Variants in PAPOLA observed in about 807,000 individuals in gnomAD.
The protein encoded by PAPOLA is poly(A) polymerase alpha, also known as polynucleotide adenylyltransferase alpha.
Under a neutral mutation model 100.6 loss-of-function variants are expected in PAPOLA, and 15 were observed. The ratio of observed to expected loss-of-function variants is 0.15; its 90% CI spans 0.10 to 0.23. The LOEUF (loss-of-function observed/expected upper bound fraction) is 0.23, where lower values mean the gene tolerates loss of function less well. Ranked by LOEUF, PAPOLA falls within the 10% of genes least tolerant of loss-of-function variation. The pLI, the probability that PAPOLA is intolerant of heterozygous loss-of-function variation, is 1.00. For synonymous variants in PAPOLA, 293 were observed against 300.0 expected, an observed-to-expected ratio of 0.98 and a Z score of 0.24; for missense variants, 533 against 884.2, an observed-to-expected ratio of 0.60 and a Z score of 5.04.
At chr14:96,529,931 T>G (rs78401219) in intron 6 of PAPOLA, among the ~76,000 whole-genome samples, 8,341 of 152,280 alleles carry the variant, frequency 0.055, 227 homozygotes, top group Non-Finnish European at 0.058. Context: ...TGTGGTTGTT[T>G]TAGGCTGTAC....
At position 96,565,791 on chromosome 14, in the gene PAPOLA, T is replaced by G. The variant is rs560413987; in HGVS notation, c.*741T>G. 1 of 398,308 alleles carries G rather than the reference T, an allele frequency of 2.5e-6. No individual in the cohort carries two copies. Among genetic ancestry groups the G allele is most frequent in the African/African-American group, 2.1e-5 (1 of 48,744 alleles). 24.7% of individuals were successfully genotyped at this position (398,308 alleles called of 1,614,324 possible). ...TATTTTTCTTTGAGCTTGTGAAAGC[T>G]CTGTGTTCTTTTGCCTTCAATCTGT... On this transcript the variant is annotated 3_prime_UTR_variant, in exon 22 of 22. Coordinates refer to ENST00000216277, the MANE Select transcript of PAPOLA (RefSeq NM_032632.5).
intron 3 of PAPOLA, among the ~76,000 whole-genome samples, chr14:96,523,072 C>T (rs989136623): frequency 6.6e-6 from 1 of 151,966 alleles, no homozygotes; most frequent in Non-Finnish European, 1.5e-5. Context: ...ATGTAGTATT[C>T]TAAATTATGG....
Position 96,552,475 on chromosome 14 carries a change from T to C in PAPOLA, c.1522-5T>C, listed in dbSNP as rs183023402. On this transcript the variant is annotated splice_polypyrimidine_tract_variant and splice_region_variant and intron_variant, in intron 16 of 21. Transcript: ENST00000216277. The stretch of plus-strand genomic sequence containing the variant: ...ATATTTGATAAAATGTTTTATTGTT[T>C]GCAGCATTCAACAGAAGGTGTCAAA... 59 of 1,610,558 alleles carry C rather than the reference T, an allele frequency of 3.7e-5. No homozygotes were observed. The African/African-American group carries it at 5.2e-4, about 14-fold the overall frequency.
rs1224239859 is a variant in PAPOLA at position 96,566,295 on chromosome 14, CTTTA to C, written c.*1249_*1252del. On this transcript the variant is annotated 3_prime_UTR_variant, in exon 22 of 22. Coordinates refer to ENST00000216277, the MANE Select transcript of PAPOLA (RefSeq NM_032632.5). ...TTGACATCTAGTCAGCTCTCTACTC[CTTTA>C]TTTTGTTTTATCAAAAGATTAAGAG... 5 of 177,038 alleles carry C rather than the reference CTTTA, an allele frequency of 2.8e-5. No individual in the cohort carries two copies. Among genetic ancestry groups the C allele is most frequent in the Non-Finnish European group, 3.5e-5 (3 of 84,632 alleles). The allele number at this position is 177,038 out of a possible 1,614,324, so 11.0% of individuals were successfully genotyped here. A position where few individuals can be genotyped will look rare whatever the true frequency, so the allele number is the denominator to read the frequency against.
At chr14:96,514,350 T>TA (rs1897299724) in intron 1 of PAPOLA, among the ~76,000 whole-genome samples, 1 of 151,646 alleles carries the variant, frequency 6.6e-6, no homozygotes, top group Admixed American at 6.6e-5. Flanking sequence ...ATTTTTTTTT[T>TA]TTTGTTATGT....
At chr14:96,563,074 G>A (rs551338316) in intron 21 of PAPOLA, among the ~76,000 whole-genome samples, 181 bp downstream of exon 21, 92 of 152,190 alleles carry the variant, frequency 6.0e-4, no homozygotes, top group African/African-American at 2.0e-3. Flanking sequence ...TGACGGAACC[G>A]TTCTCTGGGA....
chr14:96,545,671 A>G (rs192968142), intron 15 of PAPOLA, among the ~76,000 whole-genome samples: 81 of 152,172 alleles, frequency 5.3e-4, no homozygotes, highest in East Asian at 7.7e-4. Context: ...TAGGAAGGAC[A>G]TGGTATAATT....
At chr14:96,532,778 T>G in intron 9 of PAPOLA, 129 bp downstream of exon 9, 1 of 1,400,278 alleles carries the variant, frequency 7.1e-7, no homozygotes, top group Non-Finnish European at 9.2e-7. Context: ...TAGGCAGCCT[T>G]GGAGATCACA....
intron 1 of PAPOLA, among the ~76,000 whole-genome samples, chr14:96,516,554 T>C (rs967122304): frequency 2.6e-5 from 4 of 152,090 alleles, no homozygotes; most frequent in Non-Finnish European, 4.4e-5. Context: ...CCCAGGCTGG[T>C]CTCAAATTCC....
intron 12 of PAPOLA, among the ~76,000 whole-genome samples, chr14:96,540,886 T>G (rs955329738): frequency 6.6e-6 from 1 of 152,142 alleles, no homozygotes; most frequent in Admixed American, 6.6e-5. Context: ...ATTAAAACCA[T>G]TTTTCTTTTT....
intron 1 of PAPOLA, among the ~76,000 whole-genome samples, chr14:96,507,280 G>GTTTTTTGTTTTTTTTTTTTTTTTT (rs1413020909): frequency 1.2e-5 from 1 of 80,720 alleles, no homozygotes; most frequent in African/African-American, 5.7e-5. Context: ...TTGGAAAATA[G>GTTTTTTGTTTTTTTTTTTTTTTTT]TTTTTTTTTT....
intron 7 of PAPOLA, 186 bp downstream of exon 7, chr14:96,531,772 T>C: frequency 1.4e-6 from 2 of 1,439,826 alleles, no homozygotes; most frequent in Non-Finnish European, 1.8e-6. Context: ...TACAGTATTT[T>C]ATACACTGTA....
intron 1 of PAPOLA, among the ~76,000 whole-genome samples, chr14:96,504,137 T>C (rs1896545133): frequency 6.6e-6 from 1 of 152,222 alleles, no homozygotes; most frequent in Admixed American, 6.5e-5. Flanking sequence ...TTTGCAGTGA[T>C]GTCGTGATGA....
intron 10 of PAPOLA, 64 bp downstream of exon 10, chr14:96,534,627 A>G (rs1899358702): frequency 1.2e-6 from 2 of 1,612,118 alleles, no homozygotes; most frequent in South Asian, 2.2e-5. Flanking sequence ...AATCATCTGC[A>G]TAAACTCCAG....
chr14:96,542,360 C>T, intron 13 of PAPOLA, 64 bp downstream of exon 13: 1 of 967,134 alleles, frequency 1.0e-6, no homozygotes. Flanking sequence ...AGCCACTGAA[C>T]ACAGTAGGAG....
chr14:96,549,491 G>A (rs1201811671), intron 16 of PAPOLA, among the ~76,000 whole-genome samples: 2 of 151,954 alleles, frequency 1.3e-5, no homozygotes, highest in Admixed American at 6.6e-5. Flanking sequence ...CTCGTGATCC[G>A]CCTGCCTCAG....
chr14:96,503,153 G>T (rs74863710), intron 1 of PAPOLA, among the ~76,000 whole-genome samples: 1 of 152,350 alleles, frequency 6.6e-6, no homozygotes, highest in African/African-American at 2.4e-5. Context: ...GAATGTAGGA[G>T]CACGAGTTAA....
intron 1 of PAPOLA, among the ~76,000 whole-genome samples, chr14:96,507,632 A>G (rs8003976): frequency 0.11 from 16,987 of 152,238 alleles, 1,033 homozygotes; most frequent in South Asian, 0.17. Flanking sequence ...ATTTAAATGA[A>G]TAAATACTTT....
Position 96,520,242 on chromosome 14 carries a change from CTA to C in PAPOLA, c.182+18_182+19del. ...ACTGCAGCGCAGGTAAATAGATATT[CTA>C]TATTTTTTTAACTCGGAAACTTTTA... is the stretch of plus-strand genomic sequence containing the variant. On this transcript the variant is annotated intron_variant, in intron 2 of 21. Coordinates refer to ENST00000216277, the MANE Select transcript of PAPOLA (RefSeq NM_032632.5). The C allele has an allele frequency of 6.3e-7, 1 of 1,578,022 alleles. No homozygotes were observed.
Sources: gnomAD v4.1 joint callset for allele counts (sites outside exome capture counted in the v4.1 genomes callset) on GRCh38, gnomAD v4.1.1 for gene constraint, MANE v1.5 for transcripts, NCBI Gene and HGNC (gene_info 2026-07-23, HGNC 2026-07-21) for gene names.